Variants in TENM2 observed in about 807,000 individuals in gnomAD.
TENM2 encodes teneurin-2.
In TENM2, 52 loss-of-function variants were observed where a neutral mutation model predicts 245.2. That is an observed-to-expected ratio of 0.21 (90% CI 0.17 to 0.27). The LOEUF is 0.27. Among genes scored for constraint, TENM2 ranks in the 10% least tolerant of loss-of-function variants. The probability of loss-of-function intolerance (pLI) is 1.00; values close to 1 mark genes in which losing one functional copy is unlikely to be tolerated. For synonymous variants in TENM2, 1,363 were observed against 1,438.9 expected, an observed-to-expected ratio of 0.95 and a Z score of 1.19; for missense variants, 3,046 against 3,666.8, an observed-to-expected ratio of 0.83 and a Z score of 4.37.
At chr5:168,238,181 GA>G (rs1765691795) in intron 25 of TENM2, among the ~76,000 whole-genome samples, 1 of 59,476 alleles carries the variant, frequency 1.7e-5, no homozygotes. Flanking sequence ...GAGAGAGAGA[GA>G]GAGGGAGGGA....
At chr5:167,692,876 T>C (rs1321983838) in intron 2 of TENM2, among the ~76,000 whole-genome samples, 1 of 152,196 alleles carries the variant, frequency 6.6e-6, no homozygotes, top group Non-Finnish European at 1.5e-5. Context: ...TATGCACTCA[T>C]GCTGGGAATG....
intron 4 of TENM2, among the ~76,000 whole-genome samples, chr5:167,978,809 T>G (rs143150633): frequency 1.3e-5 from 2 of 152,314 alleles, no homozygotes; most frequent in African/African-American, 4.8e-5. Context: ...TTACCTCAAC[T>G]TTTATAAATA....
chr5:167,810,697 G>C (rs758031115), intron 2 of TENM2, among the ~76,000 whole-genome samples: 1 of 152,056 alleles, frequency 6.6e-6, no homozygotes, highest in South Asian at 2.1e-4. Context: ...ACTTCAGGGA[G>C]AGCCATGCTT....
At chr5:167,217,975 C>A in the TENM2 span, among the ~76,000 whole-genome samples, 1 of 151,928 alleles carries the variant, frequency 6.6e-6, no homozygotes, top group Non-Finnish European at 1.5e-5. Context: ...CTTAAAAAAA[C>A]ACATCAAAAC....
chr5:168,172,036 G>T (rs2152471475), intron 13 of TENM2, among the ~76,000 whole-genome samples: 1 of 152,292 alleles, frequency 6.6e-6, no homozygotes. Flanking sequence ...CCAGACCAGT[G>T]GTTCCCTACC....
chr5:167,526,936 C>G (rs1347554016), intron 2 of TENM2, among the ~76,000 whole-genome samples: 2 of 151,938 alleles, frequency 1.3e-5, no homozygotes, highest in Non-Finnish European at 2.9e-5. Flanking sequence ...TATGCTGTAC[C>G]CTTATCTGAC....
chr5:168,225,761 C>CAAAAAAAAAAA (rs567948197), intron 23 of TENM2, among the ~76,000 whole-genome samples: 4 of 57,118 alleles, frequency 7.0e-5, no homozygotes, highest in East Asian at 6.3e-4. Flanking sequence ...TCCATCATCT[C>CAAAAAAAAAAA]AAAAAAAAAA....
At chr5:167,294,991 G>A (rs551817258) in intron 1 of TENM2, among the ~76,000 whole-genome samples, 3 of 152,222 alleles carry the variant, frequency 2.0e-5, no homozygotes, top group Admixed American at 2.0e-4. Context: ...AGCCCTTAAT[G>A]GGTTGTTATT....
intron 2 of TENM2, among the ~76,000 whole-genome samples, chr5:167,857,535 G>A (rs749472846): frequency 3.3e-5 from 5 of 152,044 alleles, no homozygotes; most frequent in Non-Finnish European, 5.9e-5. Context: ...CAGTACATTG[G>A]GTCTCTCTTT....
chr5:167,572,339 G>A (rs191058967), intron 2 of TENM2, among the ~76,000 whole-genome samples: 27 of 152,286 alleles, frequency 1.8e-4, no homozygotes, highest in Non-Finnish European at 3.5e-4. Context: ...CCTAGGGTCC[G>A]GGGATATGTT....
At chr5:167,237,371 GT>G in the TENM2 span, among the ~76,000 whole-genome samples, 2 of 152,160 alleles carry the variant, frequency 1.3e-5, no homozygotes, top group African/African-American at 4.8e-5. Context: ...GTTGACACCT[GT>G]GGAATACTTG....
the TENM2 span, among the ~76,000 whole-genome samples, chr5:167,273,960 G>C: frequency 6.6e-6 from 1 of 152,192 alleles, no homozygotes; most frequent in Admixed American, 6.5e-5. Context: ...CCAGAAGGAA[G>C]TAATACAGAG....
chr5:167,426,090 C>T (rs189819512), intron 2 of TENM2, among the ~76,000 whole-genome samples: 4 of 152,170 alleles, frequency 2.6e-5, no homozygotes, highest in South Asian at 2.1e-4. Context: ...CCTAAGAACC[C>T]GGACTCCCTT....
intron 2 of TENM2, among the ~76,000 whole-genome samples, chr5:167,432,160 T>C (rs901463433): frequency 1.3e-5 from 2 of 151,340 alleles, no homozygotes; most frequent in African/African-American, 4.9e-5. Flanking sequence ...TTAGGAGAGA[T>C]TCGCAATATG....
At chr5:167,704,484 C>G (rs746023230) in intron 2 of TENM2, among the ~76,000 whole-genome samples, 5 of 152,030 alleles carry the variant, frequency 3.3e-5, no homozygotes, top group Non-Finnish European at 7.4e-5. Flanking sequence ...AAGTAAATGC[C>G]TCTGATAAAA....
At chr5:167,054,359 T>C in the TENM2 span, among the ~76,000 whole-genome samples, 90,842 of 152,042 alleles carry the variant, frequency 0.6, 29,635 homozygotes, top group African/African-American at 0.88. Flanking sequence ...CTCTTCTTGG[T>C]TTGATAGTTC....
intron 2 of TENM2, among the ~76,000 whole-genome samples, chr5:167,753,960 A>T (rs571285799): frequency 1.6e-4 from 24 of 152,244 alleles, no homozygotes; most frequent in Non-Finnish European, 2.4e-4. Context: ...ATGCATAGTC[A>T]TCCTGTTTCC....
intron 1 of TENM2, among the ~76,000 whole-genome samples, chr5:167,326,132 G>A (rs1757061091): frequency 1.3e-5 from 2 of 152,182 alleles, no homozygotes; most frequent in South Asian, 4.1e-4. Context: ...AGTGTTCTCA[G>A]TATAGCGCAG....
chr5:166,995,837 AAAAAAT>A, the TENM2 span, among the ~76,000 whole-genome samples: 2 of 150,876 alleles, frequency 1.3e-5, no homozygotes, highest in African/African-American at 4.9e-5. Context: ...AAAAAAAAAA[AAAAAAT>A]TTCTGTTCTC....
Sources: allele counts gnomAD v4.1 joint callset (sites outside exome capture counted in the v4.1 genomes callset), GRCh38; gene constraint gnomAD v4.1.1; transcripts MANE v1.5; gene names NCBI Gene and HGNC (gene_info 2026-07-23, HGNC 2026-07-21).